Variants in RESF1 observed in about 807,000 individuals in gnomAD.
RESF1 encodes the protein gonad expressed transcript.
In RESF1, 65 loss-of-function variants were observed where a neutral mutation model predicts 134.7. The ratio of observed to expected loss-of-function variants is 0.48; its 90% CI spans 0.40 to 0.59. The LOEUF (loss-of-function observed/expected upper bound fraction) is 0.59. Among genes scored for constraint, RESF1 ranks in the 20% least tolerant of loss-of-function variants. The pLI is 0.00. For synonymous variants in RESF1, 762 were observed against 702.2 expected (o/e 1.09, Z -1.35); for missense variants, 2,274 against 2,002.7 (o/e 1.14, Z -2.59).
In RESF1 at chr12:31,977,485, C is replaced by A. The variant is rs532969847; in HGVS notation, c.-78-3393C>A. Among the ~76,000 whole-genome samples, 213 of 152,274 alleles carry A rather than the reference C, an allele frequency of 1.4e-3. 1 individual carries two copies. The highest frequency in any genetic ancestry group is 5.0e-3 in the African/African-American group (207 of 41,544). The stretch of plus-strand genomic sequence containing the variant: ...TACAGGCGTGGGCCACCATGCCTGG[C>A]CTGTTTCTGGAAACTTTAAAACGAT... On this transcript the variant is annotated intron_variant, in intron 3 of 5. Transcript: ENST00000312561.
intron 3 of RESF1, among the ~76,000 whole-genome samples, chr12:31,974,525 G>C (rs1939587216): frequency 6.6e-6 from 1 of 151,992 alleles, no homozygotes; most frequent in Admixed American, 6.6e-5. Flanking sequence ...GTCCTAACGT[G>C]GTCCTTCCTC....
In RESF1 at chr12:31,975,882, C is replaced by T. The variant is rs1288178777; in HGVS notation, c.-78-4996C>T. Among the ~76,000 whole-genome samples the T allele has an allele frequency of 3.3e-5, 5 of 152,168 alleles. 1 individual carries two copies. Among genetic ancestry groups the T allele is most frequent in the Middle Eastern group, 6.3e-3 (2 of 316 alleles). On this transcript the variant is annotated intron_variant, in intron 3 of 5. Transcript: ENST00000312561. Reference sequence around the variant, plus strand: ...TTGTTTCCAGTTTTTGCTTACTGCACCTAATGCTGCTGGCAGTGTTATAAT... The same window carrying T: ...TTGTTTCCAGTTTTTGCTTACTGCATCTAATGCTGCTGGCAGTGTTATAAT...
intron 3 of RESF1, among the ~76,000 whole-genome samples, chr12:31,972,483 G>A (rs919683533): frequency 2.6e-5 from 4 of 151,964 alleles, no homozygotes; most frequent in Non-Finnish European, 5.9e-5. Context: ...GTGGGCACCG[G>A]TAGTTCCAGC....
chr12:31,982,274 A>G lies in RESF1; in HGVS notation c.1319A>G (p.Asn440Ser), dbSNP rs757266092. ...ACTTCTTATAGTGAACCAGCTCAGA[A>G]TTCTAAATTGTCTCTAAAACAAACT... Reference protein sequence around the residue: ...TNTSYSEPAQNSKLSLKQTAK... With the variant: ...TNTSYSEPAQSSKLSLKQTAK... The change falls in exon 4 of 6, where the codon AAT becomes AGT. Residue 440 changes from asparagine to serine, a missense_variant. By Grantham distance (46) the Asn-to-Ser change is conservative (BLOSUM62 1). Coordinates refer to ENST00000312561, the MANE Select transcript of RESF1 (RefSeq NM_018169.4). 78 of 1,614,008 alleles carry G rather than the reference A, an allele frequency of 4.8e-5. 1 individual carries two copies. In the Admixed American group the frequency reaches 1.3e-3, roughly 27 times the overall value.
intron 3 of RESF1, among the ~76,000 whole-genome samples, chr12:31,972,571 A>G (rs1390181197): frequency 7.0e-6 from 1 of 142,016 alleles, no homozygotes; most frequent in African/African-American, 2.7e-5. Context: ...GTGCCACTGC[A>G]CTCCAGCCTG....
chr12:31,992,499 G>C lies in RESF1; in HGVS notation c.5208G>C (p.Lys1736Asn), dbSNP rs779949501. Residue 1736 changes from lysine to asparagine, a missense_variant, in exon 6 of 6, where the codon AAG becomes AAC. Lys to Asn is a moderately conservative substitution (Grantham distance 94). Transcript: ENST00000312561. ...FQTYKQMYLE[K>N]RSRSLGSSPV... Reference sequence around the variant, plus strand: ...CCTACAAACAGATGTACCTGGAGAAGAGAAGCAGAAGCCTTGGTAGCAGTC... The same window carrying C: ...CCTACAAACAGATGTACCTGGAGAACAGAAGCAGAAGCCTTGGTAGCAGTC... 1 of 1,614,002 alleles carries C rather than the reference G, an allele frequency of 6.2e-7. No homozygotes were observed. The highest frequency in any genetic ancestry group is 8.5e-7 in the Non-Finnish European group (1 of 1,179,976).
At chr12:31,988,571 A>G (rs1468581396) in intron 5 of RESF1, among the ~76,000 whole-genome samples, 4 of 152,180 alleles carry the variant, frequency 2.6e-5, no homozygotes, top group Non-Finnish European at 5.9e-5. Flanking sequence ...AGTGTCCTGG[A>G]ATCAGTCCCT....
At chr12:31,986,065 T>TG in intron 4 of RESF1, 108 bp downstream of exon 4, 1 of 596,096 alleles carries the variant, frequency 1.7e-6, no homozygotes, top group Non-Finnish European at 2.6e-6. Context: ...AAGACTTTAA[T>TG]GTGTTATGCC....
rs1939778489 is a variant in RESF1 at position 31,981,225 on chromosome 12, A to T, written c.270A>T (p.Val90=). The T allele has an allele frequency of 1.2e-6, 2 of 1,614,194 alleles. No homozygotes were observed. The highest frequency in any genetic ancestry group is 1.7e-6 in the Non-Finnish European group (2 of 1,180,034). Residue 90 remains valine, a synonymous_variant, in exon 4 of 6, where the codon GTA becomes GTT. Coordinates refer to ENST00000312561, the MANE Select transcript of RESF1 (RefSeq NM_018169.4). The stretch of plus-strand genomic sequence containing the variant: ...CAGTTGTGGCCTCACACACTTCAGT[A>T]GAAAGAATAACATATGCAAATGTTA... The part of the protein sequence containing the change: ...NGTVVASHTS[V]ERITYANVNG...
In RESF1 at chr12:31,981,187, A is replaced by C. The variant is rs554940719; in HGVS notation, c.232A>C (p.Met78Leu). ...NYPQQISVSD[M>L]HNGTVVASHT... ...TCCTCAACAAATTTCTGTTTCTGAT[A>C]TGCATAATGGGACAGTTGTGGCCTC... is the stretch of plus-strand genomic sequence containing the variant. The change falls in exon 4 of 6, where the codon ATG (methionine) becomes CTG (leucine). Residue 78 changes from methionine to leucine, a missense_variant. Met to Leu is a conservative substitution (Grantham distance 15). Transcript: ENST00000312561. 1 of 1,614,122 alleles carries C rather than the reference A, an allele frequency of 6.2e-7. No individual in the cohort carries two copies. The highest frequency in any genetic ancestry group is 1.7e-5 in the Admixed American group (1 of 60,024).
chr12:31,986,416 T>C (rs1939972249), intron 4 of RESF1, among the ~76,000 whole-genome samples: 1 of 152,232 alleles, frequency 6.6e-6, no homozygotes, highest in African/African-American at 2.4e-5. Flanking sequence ...TGAAGTCTTT[T>C]TGTTCATATG....
chr12:31,981,309 A>G lies in RESF1; in HGVS notation c.354A>G (p.Val118=), dbSNP rs1304593802. 16 of 1,613,950 alleles carry G rather than the reference A, an allele frequency of 9.9e-6. No individual in the cohort carries two copies. The highest frequency in any genetic ancestry group is 1.3e-5 in the Non-Finnish European group (15 of 1,179,964). Residue 118 remains valine (V), a synonymous_variant, in exon 4 of 6, where the codon GTA becomes GTG. Coordinates refer to ENST00000312561, the MANE Select transcript of RESF1 (RefSeq NM_018169.4). ...LQMSSGVTQN[V]WLNSPMRNPV... Reference sequence around the variant, plus strand: ...TGTCTTCAGGAGTTACCCAAAACGTATGGTTGAACTCACCAATGAGGAATC... The same window carrying G: ...TGTCTTCAGGAGTTACCCAAAACGTGTGGTTGAACTCACCAATGAGGAATC...
rs1326188038 is a variant in RESF1 at position 31,981,785 on chromosome 12, C to T, written c.830C>T (p.Pro277Leu). 3.7e-6 allele frequency: 6 copies of T among 1,602,106 alleles called. No individual in the cohort carries two copies. In the African/African-American group the frequency reaches 6.7e-5, roughly 18 times the overall value. Residue 277 changes from proline to leucine, a missense_variant, in exon 4 of 6, where the codon CCT (proline) becomes CTT (leucine). Pro to Leu is a moderately conservative substitution (Grantham distance 98). Coordinates refer to ENST00000312561, the MANE Select transcript of RESF1 (RefSeq NM_018169.4). ...TATGCCACGCAAACTGACAAAAGAC[C>T]TCCTCCTCCTCCTTACAACTGTAGA... ...QQYATQTDKR[P>L]PPPPYNCRYG...
rs140821194 is a variant in RESF1, at chr12:31,985,411, G to T, written c.4456G>T (p.Val1486Leu). The T allele has an allele frequency of 2.5e-4, 405 of 1,605,654 alleles. 5 individuals are homozygous for T. The South Asian group carries it at 4.3e-3, about 17-fold the overall frequency. The change falls in exon 4 of 6, where the codon GTG becomes TTG. Residue 1486 changes from valine to leucine, a missense_variant. Transcript: ENST00000312561. ...ACATATGAGACCAAGTAAACTTGCC[G>T]TGCAGGTTGAAAGTTGTGGGAAATC... ...SEHMRPSKLA[V>L]QVESCGKSNE... is the part of the protein sequence containing the mutation.
rs746016642 is a variant in RESF1, at chr12:31,980,911, A to G, written c.-45A>G. On this transcript the variant is annotated 5_prime_UTR_variant, in exon 4 of 6. The change abolishes the stop of an existing upstream ORF in the 5' untranslated region. Coordinates refer to ENST00000312561, the MANE Select transcript of RESF1 (RefSeq NM_018169.4). ...CATTCAGACAACTGACTTGTAACTGACTTATAACTGACTTGTAATACACTG... is the reference window on the plus strand; with the variant it reads ...CATTCAGACAACTGACTTGTAACTGGCTTATAACTGACTTGTAATACACTG... 3.6e-6 allele frequency: 5 copies of G among 1,392,824 alleles called. No individual in the cohort carries two copies. Among genetic ancestry groups the G allele is most frequent in the Admixed American group, 2.3e-5 (1 of 44,212 alleles). 86.3% of individuals were successfully genotyped at this position (1,392,824 alleles called of 1,614,324 possible).
intron 2 of RESF1, among the ~76,000 whole-genome samples, chr12:31,966,068 A>G (rs985003565): frequency 2.0e-5 from 3 of 152,124 alleles, no homozygotes; most frequent in African/African-American, 7.2e-5. Context: ...GGTGTGTCCA[A>G]TCTTTTGGCT....
Position 31,984,081 on chromosome 12 carries a change from C to T in RESF1, c.3126C>T (p.His1042=), listed in dbSNP as rs1303256340. Residue 1042 remains histidine, a synonymous_variant, in exon 4 of 6, where the codon CAC becomes CAT. Transcript: ENST00000312561. ...TPQDPARNEI[H]SDKAPVLYLH... is the part of the protein sequence containing the mutation. Reference sequence around the variant, plus strand: ...AAGATCCTGCAAGAAATGAAATCCACAGTGATAAGGCACCTGTCTTATACC... The same window carrying T: ...AAGATCCTGCAAGAAATGAAATCCATAGTGATAAGGCACCTGTCTTATACC... The T allele has an allele frequency of 1.2e-6, 2 of 1,613,952 alleles. No individual in the cohort carries two copies. The highest frequency in any genetic ancestry group is 2.2e-5 in the East Asian group (1 of 44,894).
Position 31,992,377 on chromosome 12 carries a change from GATA to G in RESF1, c.5089_5091del (p.Asn1697del). 6.2e-7 allele frequency: 1 copy of G among 1,606,738 alleles called. No homozygotes were observed. Among genetic ancestry groups the G allele is most frequent in the Non-Finnish European group, 8.5e-7 (1 of 1,176,430 alleles). ...GTAAGTAAAGTTTTTATTTCCCTTA[GATA>G]ATGTTAATTCAAGACTCTCGAAGAG... is the stretch of plus-strand genomic sequence containing the variant. On this transcript the variant is annotated inframe_deletion and splice_region_variant, in exon 6 of 6. Transcript: ENST00000312561.
intron 1 of RESF1, chr12:31,959,996 C>T (rs1374600327): frequency 2.0e-5 from 3 of 151,158 alleles, no homozygotes; most frequent in Non-Finnish European, 2.9e-5. Flanking sequence ...CGAGGGTTCT[C>T]CTCCTCCCCG....
Sources: gnomAD v4.1 joint callset for allele counts (sites outside exome capture counted in the v4.1 genomes callset) on GRCh38, gnomAD v4.1.1 for gene constraint, MANE v1.5 for transcripts, NCBI Gene and HGNC (gene_info 2026-07-23, HGNC 2026-07-21) for gene names.